CDC42: variants seen among roughly 807,000 people sequenced by gnomAD.
The protein encoded by CDC42 is cell division control protein 42 homolog.
Under a neutral mutation model 20.8 loss-of-function variants are expected in CDC42, and 1 was observed. The ratio of observed to expected loss-of-function variants is 0.05; its 90% confidence interval spans 0.02 to 0.23. The LOEUF (loss-of-function observed/expected upper bound fraction) is 0.23. Ranked by LOEUF, CDC42 falls within the 10% of genes least tolerant of loss-of-function variation. The pLI is 1.00. For synonymous variants in CDC42, 72 were observed against 84.8 expected, an observed-to-expected ratio of 0.85 and a Z score of 0.83; for missense variants, 49 against 227.9, an observed-to-expected ratio of 0.21 and a Z score of 5.05.
At chr1:22,064,044 A>G (rs574227101) in intron 1 of CDC42, 2 of 151,516 alleles carry the variant, frequency 1.3e-5, no homozygotes, top group African/African-American at 4.8e-5. Flanking sequence ...TAGTATGTAT[A>G]ACATTTCATC....
chr1:22,070,086 C>A (rs1313429829), intron 1 of CDC42, among the ~76,000 whole-genome samples: 1 of 152,144 alleles, frequency 6.6e-6, no homozygotes, highest in Non-Finnish European at 1.5e-5. Context: ...CTGTGCCCAG[C>A]CTCTGGGTAG....
chr1:22,056,398 G>A (rs1645305165), intron 1 of CDC42, among the ~76,000 whole-genome samples: 1 of 152,154 alleles, frequency 6.6e-6, no homozygotes, highest in Admixed American at 6.6e-5. Flanking sequence ...TAGAAAATCT[G>A]TGATGACTAC....
In CDC42 at chr1:22,093,336, T is replaced by C. The variant is rs189743098; in HGVS notation, c.*1819T>C. On this transcript the variant is annotated 3_prime_UTR_variant, in exon 6 of 6. Transcript: ENST00000656825. Reference sequence around the variant, plus strand: ...CAACTGGAGTGCAGCTTGAACAATGTGATTTTTAAGTTTTCCAGGCATTTC... The same window carrying C: ...CAACTGGAGTGCAGCTTGAACAATGCGATTTTTAAGTTTTCCAGGCATTTC... Among the ~76,000 whole-genome samples, 312 of 152,336 alleles carry C rather than the reference T, an allele frequency of 2.0e-3. 2 individuals carry two copies. In the Middle Eastern group the frequency reaches 0.027, roughly 13 times the overall value.
intron 1 of CDC42, among the ~76,000 whole-genome samples, chr1:22,067,404 C>A (rs192754013): frequency 2.6e-5 from 4 of 152,072 alleles, no homozygotes; most frequent in African/African-American, 7.2e-5. Context: ...TCACTCCCAC[C>A]TCCGCCTCCC....
chr1:22,061,804 G>T (rs16826302), intron 1 of CDC42, among the ~76,000 whole-genome samples: 43 of 151,606 alleles, frequency 2.8e-4, no homozygotes, highest in Non-Finnish European at 3.8e-4. Flanking sequence ...CAAGTGATCC[G>T]CCCCCTTCAG....
rs1366717278 is a variant in CDC42, at chr1:22,092,633, G to A, written c.*1116G>A. On this transcript the variant is annotated 3_prime_UTR_variant, in exon 6 of 6. Transcript: ENST00000656825. ...GGGTGGGGAGAACACTTAACAACAT[G>A]GGGACCAGTCAGGGGAATCCCCTTA... is the stretch of plus-strand genomic sequence containing the variant. 6.6e-6 allele frequency: 1 copy of A among 152,532 alleles called. No homozygotes were observed. The highest frequency in any genetic ancestry group is 1.5e-5 in the Non-Finnish European group (1 of 68,020). The allele number at this position is 152,532 out of a possible 1,614,324, so 9.4% of individuals were successfully genotyped here.
At chr1:22,056,520 C>T (rs1443502808) in intron 1 of CDC42, among the ~76,000 whole-genome samples, 3 of 152,158 alleles carry the variant, frequency 2.0e-5, no homozygotes, top group Non-Finnish European at 1.5e-5. Flanking sequence ...TATCAGATTC[C>T]TGGTCATGTT....
At chr1:22,077,473 A>T (rs559602497) in intron 1 of CDC42, among the ~76,000 whole-genome samples, 2 of 152,152 alleles carry the variant, frequency 1.3e-5, no homozygotes, top group Non-Finnish European at 2.9e-5. Flanking sequence ...GTTTAATTAT[A>T]ACCCCTTTAG....
rs1645786371 is a variant in CDC42, at chr1:22,101,160, C to T, written c.*9643C>T. 6.6e-6 allele frequency: 1 copy of T among 152,164 alleles called. No homozygotes were observed. The highest frequency in any genetic ancestry group is 6.5e-5 in the Admixed American group (1 of 15,276). 9.4% of individuals were successfully genotyped at this position (152,164 alleles called of 1,614,324 possible). A position where few individuals can be genotyped will look rare whatever the true frequency, so the allele number is the denominator to read the frequency against. On this transcript the variant is annotated 3_prime_UTR_variant, in exon 6 of 6. Coordinates refer to ENST00000656825, the MANE Select transcript of CDC42 (RefSeq NM_001791.4). ...TACATATAGCGTGATAAATCAAGTC[C>T]TGTTTTTGCTCCTAACTTGCATTAT...
At position 22,071,422 on chromosome 1, in the gene CDC42, A is replaced by C. The variant is rs1645491188; in HGVS notation, c.-50-7007A>C. On this transcript the variant is annotated intron_variant, in intron 1 of 5. Coordinates refer to ENST00000656825, the MANE Select transcript of CDC42 (RefSeq NM_001791.4). ...TGTCTTCTGTGATATAGAAGCAAACAAGAAGTTCTGCAAACAAGACAGTTT... is the reference window on the plus strand; with the variant it reads ...TGTCTTCTGTGATATAGAAGCAAACCAGAAGTTCTGCAAACAAGACAGTTT... Among the ~76,000 whole-genome samples the C allele has an allele frequency of 3.9e-5, 6 of 152,296 alleles. No homozygotes were observed. In the South Asian group the frequency reaches 1.2e-3, roughly 32 times the overall value.
intron 2 of CDC42, among the ~76,000 whole-genome samples, chr1:22,079,322 A>T (rs1433988465): frequency 6.6e-6 from 1 of 151,808 alleles, no homozygotes; most frequent in Non-Finnish European, 1.5e-5. Flanking sequence ...TATTTTTAGT[A>T]GAAACGGGGT....
rs1645763714 is a variant in CDC42 at position 22,097,234 on chromosome 1, T to G, written c.*5717T>G. ...GTGGTGCTTACAGTGCTGTGTTAGGTCCAGTTTTACCTCTTAAATCTGTAT... is the reference window on the plus strand; with the variant it reads ...GTGGTGCTTACAGTGCTGTGTTAGGGCCAGTTTTACCTCTTAAATCTGTAT... On this transcript the variant is annotated 3_prime_UTR_variant, in exon 6 of 6. Coordinates refer to ENST00000656825, the MANE Select transcript of CDC42 (RefSeq NM_001791.4). Among the ~76,000 whole-genome samples, 1 of 152,192 alleles carries G rather than the reference T, an allele frequency of 6.6e-6. No individual in the cohort carries two copies. Among genetic ancestry groups the G allele is most frequent in the Non-Finnish European group, 1.5e-5 (1 of 68,034 alleles).
intron 3 of CDC42, among the ~76,000 whole-genome samples, chr1:22,082,942 C>T (rs1293367799): frequency 7.0e-6 from 1 of 143,800 alleles, no homozygotes; most frequent in Non-Finnish European, 1.5e-5. Context: ...TGCAATGGTG[C>T]AATCTCGGCT....
intron 1 of CDC42, among the ~76,000 whole-genome samples, chr1:22,067,415 A>G (rs1265164966): frequency 6.6e-6 from 1 of 151,876 alleles, no homozygotes; most frequent in African/African-American, 2.4e-5. Flanking sequence ...TCCGCCTCCC[A>G]AGTTCGCTTT....
At chr1:22,053,089 C>G (rs1029321738) in intron 1 of CDC42, among the ~76,000 whole-genome samples, 4 of 151,340 alleles carry the variant, frequency 2.6e-5, no homozygotes, top group Non-Finnish European at 4.4e-5. Flanking sequence ...CTCCCCTCCC[C>G]CCAGCCCGGC....
chr1:22,066,289 C>T (rs561161343), intron 1 of CDC42, among the ~76,000 whole-genome samples: 64 of 152,004 alleles, frequency 4.2e-4, no homozygotes, highest in Non-Finnish European at 8.1e-4. Flanking sequence ...GCAGGAGAAT[C>T]GCTTGAGCGT....
At chr1:22,055,612 C>A (rs1469630190) in intron 1 of CDC42, among the ~76,000 whole-genome samples, 5 of 151,790 alleles carry the variant, frequency 3.3e-5, no homozygotes. Context: ...ACCTCAGCCT[C>A]TGCAGTAGCT....
At chr1:22,054,911 ATATATATATATTTTTTTTTTTTTTTTTTT>A (rs1645282025) in intron 1 of CDC42, among the ~76,000 whole-genome samples, 3 of 13,650 alleles carry the variant, frequency 2.2e-4, no homozygotes, top group African/African-American at 4.6e-4. Flanking sequence ...ATATATATAT[ATATATATATATTTTTTTTTTTTTTTTTTT>A]TTTTTTTTTT....
At chr1:22,081,695 A>G in intron 2 of CDC42, 27 bp from the exon 3 acceptor site, 2 of 1,453,986 alleles carry the variant, frequency 1.4e-6, no homozygotes, top group Non-Finnish European at 9.7e-7. Context: ...CTTGCACACT[A>G]ACAGTGTTGT....
Sources: allele counts gnomAD v4.1 joint callset (sites outside exome capture counted in the v4.1 genomes callset), GRCh38; gene constraint gnomAD v4.1.1; transcripts MANE v1.5; gene names NCBI Gene and HGNC (gene_info 2026-07-23, HGNC 2026-07-21).